CTNNA3: variants seen among roughly 807,000 people sequenced by gnomAD.
The protein encoded by CTNNA3 is catenin alpha-3.
A neutral mutation model predicts 95.7 loss-of-function variants in CTNNA3; 76 were observed. The observed-to-expected ratio is 0.79, with a 90% CI of 0.66 to 0.96. The LOEUF (loss-of-function observed/expected upper bound fraction) is 0.96. CTNNA3 is among the 40% of genes least tolerant of loss of function. The pLI is 0.00. For synonymous variants in CTNNA3, 431 were observed against 374.4 expected (o/e 1.15, Z -1.74); for missense variants, 1,191 against 1,089.8 (o/e 1.09, Z -1.31).
At chr10:66,898,177 C>T (rs1318288693) in intron 7 of CTNNA3, among the ~76,000 whole-genome samples, 1 of 152,130 alleles carries the variant, frequency 6.6e-6, no homozygotes, top group African/African-American at 2.4e-5. Context: ...AAAAACAACT[C>T]AATGGTCATA....
intron 15 of CTNNA3, among the ~76,000 whole-genome samples, chr10:65,990,646 C>G (rs7921038): frequency 6.6e-6 from 1 of 150,558 alleles, no homozygotes; most frequent in African/African-American, 2.4e-5. Flanking sequence ...ATTAGAGAAA[C>G]AGTTTGCAAA....
chr10:66,534,836 A>G (rs1469511762), intron 10 of CTNNA3, among the ~76,000 whole-genome samples: 1 of 151,790 alleles, frequency 6.6e-6, no homozygotes, highest in African/African-American at 2.4e-5. Context: ...TATTTTCTAA[A>G]GTTATGAAGT....
At chr10:66,428,399 A>T (rs983440572) in intron 11 of CTNNA3, among the ~76,000 whole-genome samples, 4 of 152,172 alleles carry the variant, frequency 2.6e-5, no homozygotes, top group African/African-American at 9.6e-5. Context: ...TGCACCAAGC[A>T]GACCTAATAG....
intron 1 of CTNNA3, among the ~76,000 whole-genome samples, chr10:67,673,829 TTC>T (rs943062369): frequency 2.2e-4 from 31 of 140,668 alleles, no homozygotes; most frequent in African/African-American, 7.8e-4. Flanking sequence ...ACCTCTAGAC[TTC>T]TTGTTATGTG....
At position 66,520,706 on chromosome 10, in the gene CTNNA3, A is replaced by C; in HGVS notation, c.1442T>G (p.Met481Arg). 6.2e-7 allele frequency: 1 copy of C among 1,612,300 alleles called. No individual in the cohort carries two copies. Among genetic ancestry groups the C allele is most frequent in the Non-Finnish European group, 8.5e-7 (1 of 1,179,166 alleles). The stretch of plus-strand genomic sequence containing the variant: ...ATGATTCTCCCATGTACGCTTGTAC[A>C]TTTCCATGGTGTTTTTGACCGCTTG... ...KSQAVKNTME[M>R]YKRTWENHIH... Residue 481 changes from methionine to arginine, a missense_variant, in exon 11 of 18, where the codon ATG becomes AGG. Coordinates refer to ENST00000433211, the MANE Select transcript of CTNNA3 (RefSeq NM_013266.4).
intron 11 of CTNNA3, among the ~76,000 whole-genome samples, chr10:66,496,212 G>A (rs7084818): frequency 0.043 from 6,515 of 151,920 alleles, 476 homozygotes; most frequent in African/African-American, 0.15. Context: ...TCACCATATC[G>A]AACATGAAAA....
At position 66,211,272 on chromosome 10, in the gene CTNNA3, A is replaced by C. The variant is rs374841126; in HGVS notation, c.1884+69198T>G. On this transcript the variant is annotated intron_variant, in intron 13 of 17. Transcript: ENST00000433211. The stretch of plus-strand genomic sequence containing the variant: ...GGTGCTAGACTTCAAGCAGCACATA[A>C]AAACTGAAATACTACATATGAGTAA... 2.0e-5 allele frequency among the ~76,000 whole-genome samples: 3 copies of C among 152,190 alleles called. No homozygotes were observed. In the East Asian group the frequency reaches 5.8e-4, roughly 29 times the overall value.
intron 13 of CTNNA3, among the ~76,000 whole-genome samples, chr10:66,137,643 G>A (rs1308339130): frequency 2.0e-5 from 3 of 151,950 alleles, no homozygotes; most frequent in Non-Finnish European, 2.9e-5. Flanking sequence ...TGAGATACGC[G>A]GAACAGCAAA....
intron 15 of CTNNA3, among the ~76,000 whole-genome samples, chr10:66,036,871 T>A (rs77713572): frequency 1.0e-3 from 105 of 104,854 alleles, no homozygotes; most frequent in African/African-American, 1.8e-3. Flanking sequence ...AATTTTTTTT[T>A]TTTTTTTTTT....
chr10:66,869,281 G>A (rs1041626771), intron 7 of CTNNA3, among the ~76,000 whole-genome samples: 3 of 152,094 alleles, frequency 2.0e-5, no homozygotes, highest in Non-Finnish European at 2.9e-5. Context: ...TGATGAGACC[G>A]GATATAGTTA....
At chr10:67,243,531 A>G (rs993161069) in intron 5 of CTNNA3, among the ~76,000 whole-genome samples, 2 of 152,160 alleles carry the variant, frequency 1.3e-5, no homozygotes, top group Admixed American at 6.6e-5. Flanking sequence ...CACTCCTCCA[A>G]TGTAAAATTT....
intron 9 of CTNNA3, among the ~76,000 whole-genome samples, chr10:66,703,786 A>G (rs758886190): frequency 2.0e-5 from 3 of 152,130 alleles, no homozygotes; most frequent in Non-Finnish European, 4.4e-5. Flanking sequence ...AGCTTTTGTC[A>G]GTGTCTTTCT....
chr10:66,441,895 G>T (rs4603191), intron 11 of CTNNA3, among the ~76,000 whole-genome samples: 58,126 of 152,022 alleles, frequency 0.38, 11,678 homozygotes, highest in African/African-American at 0.5. Context: ...AAGAGAAAGA[G>T]GTTTAGACTT....
chr10:65,995,499 G>A (rs1274848121), intron 15 of CTNNA3, among the ~76,000 whole-genome samples: 1 of 152,170 alleles, frequency 6.6e-6, no homozygotes, highest in Non-Finnish European at 1.5e-5. Context: ...TGTAGGGGAT[G>A]AGAACTGCAG....
intron 7 of CTNNA3, among the ~76,000 whole-genome samples, chr10:66,874,120 T>TGG (rs753919221): frequency 6.6e-6 from 1 of 151,534 alleles, no homozygotes; most frequent in African/African-American, 2.4e-5. Flanking sequence ...GTCACAGTCA[T>TGG]TCAATGAGAG....
intron 13 of CTNNA3, among the ~76,000 whole-genome samples, chr10:66,203,198 C>G (rs1801898487): frequency 6.6e-6 from 1 of 152,080 alleles, no homozygotes; most frequent in African/African-American, 2.4e-5. Flanking sequence ...CAATAAGATG[C>G]TTCAGAACAC....
At chr10:66,384,597 G>T (rs2092872909) in intron 11 of CTNNA3, among the ~76,000 whole-genome samples, 1 of 152,124 alleles carries the variant, frequency 6.6e-6, no homozygotes, top group African/African-American at 2.4e-5. Flanking sequence ...AGACCTAATA[G>T]ACATCTACAG....
intron 11 of CTNNA3, among the ~76,000 whole-genome samples, chr10:66,426,000 T>C (rs1589231842): frequency 2.0e-5 from 3 of 152,164 alleles, no homozygotes; most frequent in East Asian, 3.8e-4. Context: ...TACAATGTAT[T>C]TTTTGTATTT....
chr10:66,854,856 C>A (rs1054706734), intron 7 of CTNNA3, among the ~76,000 whole-genome samples: 1 of 151,562 alleles, frequency 6.6e-6, no homozygotes, highest in Admixed American at 6.6e-5. Flanking sequence ...AAGCATTGGA[C>A]TCAGACAGAT....
Sources: allele counts gnomAD v4.1 joint callset (sites outside exome capture counted in the v4.1 genomes callset), GRCh38; gene constraint gnomAD v4.1.1; transcripts MANE v1.5; gene names NCBI Gene and HGNC (gene_info 2026-07-23, HGNC 2026-07-21).